The following CNGA1 variants were observed in gnomAD, a reference collection of about 807,000 sequenced individuals.
The protein encoded by CNGA1 is cyclic nucleotide gated channel subunit alpha 1.
Under a neutral mutation model 69.7 loss-of-function variants are expected in CNGA1, and 53 were observed. That is an observed-to-expected ratio of 0.76 (90% confidence interval 0.61 to 0.96). The LOEUF (loss-of-function observed/expected upper bound fraction) is 0.96. Among genes scored for constraint, CNGA1 ranks in the 40% least tolerant of loss-of-function variants. The pLI is 0.00. For synonymous variants in CNGA1, 249 were observed against 283.5 expected (o/e 0.88, Z 1.22); for missense variants, 739 against 811.2 (o/e 0.91, Z 1.08).
intron 3 of CNGA1, among the ~76,000 whole-genome samples, chr4:47,963,046 C>T (rs1329045205): frequency 6.6e-6 from 1 of 151,936 alleles, no homozygotes; most frequent in African/African-American, 2.4e-5. Context: ...CAGCCTCAAA[C>T]TCCTGGGCTC....
Position 48,016,661 on chromosome 4 carries a change from C to A in CNGA1, c.-401G>T, listed in dbSNP as rs915971801. ...CTGAGAATTCGCAACAAGCCCCGGG[C>A]AGCAGGGCTCGGCTGGCGCTGAGGC... On this transcript the variant is annotated 5_prime_UTR_variant, in exon 1 of 11. Transcript: ENST00000514170. The A allele has an allele frequency of 7.0e-6, 4 of 575,436 alleles. No homozygotes were observed. The East Asian group carries it at 9.7e-5, about 14-fold the overall frequency. The allele number at this position is 575,436 out of a possible 1,614,324, so 35.6% of individuals were successfully genotyped here.
chr4:47,971,834 C>T lies in CNGA1; in HGVS notation c.-15+9559G>A, dbSNP rs548687268. On this transcript the variant is annotated intron_variant, in intron 3 of 10. Transcript: ENST00000514170. ...ACTTGAACCTGGGAGGTGGAGGTTG[C>T]AGTGAGCTGAGATCATGCCATTGCA... Among the ~76,000 whole-genome samples, 6 of 152,198 alleles carry T rather than the reference C, an allele frequency of 3.9e-5. No homozygotes were observed. In the South Asian group the frequency reaches 1.2e-3, roughly 32 times the overall value.
chr4:47,940,827 C>T lies in CNGA1; in HGVS notation c.588G>A (p.Trp196Ter). Residue 196 changes from tryptophan to a stop codon, truncating the protein, a stop_gained, in exon 10 of 11, where the codon TGG becomes TGA. Transcript: ENST00000514170. LOFTEE classifies it high-confidence loss of function. ...DELQSDYLEY[W>*]LILDYVSDIV... ...TGTCTGATACGTAATCCAAAATGAG[C>T]CAATATTCTAGGTAATCAGATTGAA... 6.2e-7 allele frequency: 1 copy of T among 1,612,090 alleles called. No individual in the cohort carries two copies. Among genetic ancestry groups the T allele is most frequent in the Non-Finnish European group, 8.5e-7 (1 of 1,178,626 alleles).
At chr4:47,963,931 A>G (rs1262075596) in intron 3 of CNGA1, among the ~76,000 whole-genome samples, 2 of 152,230 alleles carry the variant, frequency 1.3e-5, no homozygotes, top group African/African-American at 2.4e-5. Flanking sequence ...ACAATAAATA[A>G]TGCTTTCTAT....
intron 10 of CNGA1, among the ~76,000 whole-genome samples, chr4:47,940,206 A>G (rs776783352): frequency 2.0e-5 from 3 of 152,224 alleles, no homozygotes; most frequent in South Asian, 2.1e-4. Context: ...TTACGTAATG[A>G]TTCTTAAAAG....
At chr4:47,956,771 TAGAG>T (rs907057937) in intron 3 of CNGA1, among the ~76,000 whole-genome samples, 25 of 152,144 alleles carry the variant, frequency 1.6e-4, no homozygotes, top group African/African-American at 5.1e-4. Context: ...GGAGAGGTGA[TAGAG>T]AGGAGAAAAG....
chr4:47,954,099 CAG>C (rs1319677695), intron 3 of CNGA1, among the ~76,000 whole-genome samples: 6 of 152,004 alleles, frequency 3.9e-5, no homozygotes, highest in Non-Finnish European at 7.4e-5. Context: ...CAGAGAGCGG[CAG>C]AGAGTGGTGG....
At chr4:47,977,016 G>A (rs1342962409) in intron 3 of CNGA1, among the ~76,000 whole-genome samples, 1 of 152,216 alleles carries the variant, frequency 6.6e-6, no homozygotes, top group Admixed American at 6.5e-5. Context: ...TGCGACAGTA[G>A]AGGAAATGAG....
intron 3 of CNGA1, among the ~76,000 whole-genome samples, chr4:47,969,508 C>T (rs1221695131): frequency 6.6e-6 from 1 of 151,840 alleles, no homozygotes; most frequent in African/African-American, 2.4e-5. Flanking sequence ...CTTGCTCTGT[C>T]GCCCAGGCTG....
Position 47,936,565 on chromosome 4 carries a change from T to G in CNGA1, c.1917A>C (p.Arg639=). 6.2e-7 allele frequency: 1 copy of G among 1,614,242 alleles called. No homozygotes were observed. Among genetic ancestry groups the G allele is most frequent in the Non-Finnish European group, 8.5e-7 (1 of 1,180,036 alleles). ...GCATGGACTCATACTCAGCCAAGAT[T>G]CGGGCAAACCTGGTTTGCAGGAGGT... ...SVDLLQTRFA[R]ILAEYESMQQ... The change falls in exon 11 of 11, where the codon CGA becomes CGC. Residue 639 remains arginine (R), a synonymous_variant. Transcript: ENST00000514170.
chr4:48,008,705 A>G (rs4695323), intron 2 of CNGA1, among the ~76,000 whole-genome samples: 3,714 of 152,290 alleles, frequency 0.024, 142 homozygotes, highest in African/African-American at 0.084. Context: ...TCACCTTTGC[A>G]AAATTCTGAG....
intron 1 of CNGA1, among the ~76,000 whole-genome samples, chr4:48,015,964 A>C (rs1424527323): frequency 6.6e-6 from 1 of 152,044 alleles, no homozygotes; most frequent in Non-Finnish European, 1.5e-5. Context: ...ACTTAACCTC[A>C]CTCTTTGCCT....
chr4:47,999,351 G>A (rs1215515086), intron 2 of CNGA1, among the ~76,000 whole-genome samples: 1 of 152,146 alleles, frequency 6.6e-6, no homozygotes, highest in Non-Finnish European at 1.5e-5. Flanking sequence ...CTTTCAATCT[G>A]CCATATAAGT....
chr4:47,980,292 A>G (rs186688712), intron 3 of CNGA1, among the ~76,000 whole-genome samples: 13 of 152,312 alleles, frequency 8.5e-5, no homozygotes, highest in Admixed American at 8.5e-4. Context: ...TTTAAGAGGT[A>G]TCTTTATTGA....
intron 2 of CNGA1, among the ~76,000 whole-genome samples, chr4:47,989,788 C>G (rs1742166270): frequency 6.6e-6 from 1 of 150,866 alleles, no homozygotes; most frequent in Non-Finnish European, 1.5e-5. Flanking sequence ...TCTTTGCTCC[C>G]TCACCCCCTT....
chr4:47,971,914 A>AAACAAAC (rs1236954838), intron 3 of CNGA1, among the ~76,000 whole-genome samples: 4 of 124,754 alleles, frequency 3.2e-5, no homozygotes, highest in African/African-American at 8.6e-5. Flanking sequence ...ACAAACAAAC[A>AAACAAAC]AACAACAACA....
chr4:47,959,188 C>G (rs939978888), intron 3 of CNGA1: 2 of 151,934 alleles, frequency 1.3e-5, no homozygotes, highest in African/African-American at 4.8e-5. Flanking sequence ...GTGCTGGTGC[C>G]CAACAGCCTC....
At chr4:48,000,107 T>C (rs1438585615) in intron 2 of CNGA1, among the ~76,000 whole-genome samples, 1 of 152,056 alleles carries the variant, frequency 6.6e-6, no homozygotes, top group Non-Finnish European at 1.5e-5. Context: ...GACATAGCAA[T>C]TGAAGCTGCC....
chr4:47,987,301 C>T (rs1348606786), intron 2 of CNGA1, among the ~76,000 whole-genome samples: 3 of 152,158 alleles, frequency 2.0e-5, no homozygotes, highest in Middle Eastern at 3.4e-3. Flanking sequence ...GCTCTTGATC[C>T]TAAGTTATTA....
Sources: allele counts gnomAD v4.1 joint callset (sites outside exome capture counted in the v4.1 genomes callset), GRCh38; gene constraint gnomAD v4.1.1; transcripts MANE v1.5; gene names NCBI Gene and HGNC (gene_info 2026-07-23, HGNC 2026-07-21).